Variants in IL19 observed in about 807,000 individuals in gnomAD.
The protein encoded by IL19 is interleukin 19.
Under a neutral mutation model 19.5 loss-of-function variants are expected in IL19, and 15 were observed. That is an observed-to-expected ratio of 0.77 (90% CI 0.52 to 1.19). The LOEUF (loss-of-function observed/expected upper bound fraction) is 1.19, where lower values mean the gene tolerates loss of function less well. IL19 is among the 50% of genes most tolerant of loss of function. The pLI is 0.00. For missense variants in IL19, 199 were observed against 213.1 expected (o/e 0.93, Z 0.41); for synonymous variants, 78 against 78.3 (o/e 1.00, Z 0.02).
At chr1:206,803,223 G>C (rs1410619396) in intron 2 of IL19, among the ~76,000 whole-genome samples, 3 of 152,178 alleles carry the variant, frequency 2.0e-5, no homozygotes, top group Non-Finnish European at 4.4e-5. Context: ...ACATCCATGG[G>C]CTTTCGCTGT....
intron 1 of IL19, among the ~76,000 whole-genome samples, chr1:206,780,093 C>T (rs891215858): frequency 1.3e-5 from 2 of 152,314 alleles, no homozygotes; most frequent in Non-Finnish European, 1.5e-5. Context: ...ATGTTCCTTC[C>T]TTAAATGAGT....
At chr1:206,840,957 C>T (rs374769203) in intron 5 of IL19, 47 bp from the exon 6 acceptor site, 4 of 1,485,282 alleles carry the variant, frequency 2.7e-6, no homozygotes. Context: ...AAGAGAGGGC[C>T]AGAGTGGAAA....
At chr1:206,796,641 G>A (rs1675529544) in intron 1 of IL19, among the ~76,000 whole-genome samples, 1 of 152,088 alleles carries the variant, frequency 6.6e-6, no homozygotes, top group Non-Finnish European at 1.5e-5. Flanking sequence ...TGTTACAATT[G>A]TCTGCAATAT....
At chr1:206,818,136 T>C (rs1337023206) in intron 2 of IL19, among the ~76,000 whole-genome samples, 1 of 152,236 alleles carries the variant, frequency 6.6e-6, no homozygotes, top group Non-Finnish European at 1.5e-5. Flanking sequence ...AGCAAGGATA[T>C]AGTAGACTTA....
chr1:206,839,728 G>A (rs546263562), intron 4 of IL19, 122 bp from the exon 5 acceptor site: 15 of 830,160 alleles, frequency 1.8e-5, no homozygotes, highest in East Asian at 4.9e-5. Flanking sequence ...AGACCATTAC[G>A]AATTTTTCCA....
chr1:206,794,155 T>C (rs376345727), intron 1 of IL19, among the ~76,000 whole-genome samples: 1 of 152,294 alleles, frequency 6.6e-6, no homozygotes, highest in East Asian at 1.9e-4. Flanking sequence ...AGTTTGGTCA[T>C]TGGGAGAGAC....
At chr1:206,798,388 T>C (rs1488420121) in intron 1 of IL19, among the ~76,000 whole-genome samples, 2 of 152,146 alleles carry the variant, frequency 1.3e-5, no homozygotes, top group African/African-American at 2.4e-5. Context: ...GGGGCTTCAA[T>C]TTGTATAGAA....
chr1:206,788,453 G>T (rs1304722192), intron 1 of IL19, among the ~76,000 whole-genome samples: 1 of 152,104 alleles, frequency 6.6e-6, no homozygotes, highest in Non-Finnish European at 1.5e-5. Flanking sequence ...TAAGGCTCAA[G>T]TCTCCTGATA....
intron 1 of IL19, among the ~76,000 whole-genome samples, chr1:206,792,233 T>C (rs1675424708): frequency 6.6e-6 from 1 of 152,188 alleles, no homozygotes; most frequent in Non-Finnish European, 1.5e-5. Context: ...TGAACATTGC[T>C]GAGTGTTCCT....
At chr1:206,773,607 T>C (rs1674918356) in intron 1 of IL19, among the ~76,000 whole-genome samples, 1 of 151,148 alleles carries the variant, frequency 6.6e-6, no homozygotes, top group South Asian at 2.1e-4. Flanking sequence ...TGTGTGTGTG[T>C]GTGTGTGTGT....
At chr1:206,799,662 C>CA (rs1439512242) in intron 2 of IL19, among the ~76,000 whole-genome samples, 1 of 152,180 alleles carries the variant, frequency 6.6e-6, no homozygotes, top group Admixed American at 6.5e-5. Context: ...GTCCCAAGAC[C>CA]AAATTACTGG....
chr1:206,791,419 C>A (rs1675400984), intron 1 of IL19, among the ~76,000 whole-genome samples: 1 of 151,958 alleles, frequency 6.6e-6, no homozygotes, highest in South Asian at 2.1e-4. Flanking sequence ...TCTTCTGCCT[C>A]AGCCTCCTGA....
intron 2 of IL19, among the ~76,000 whole-genome samples, chr1:206,827,877 G>C (rs988586273): frequency 1.3e-5 from 2 of 152,170 alleles, no homozygotes; most frequent in African/African-American, 4.8e-5. Context: ...GGGTGTCTTT[G>C]GGTGAAGTAC....
chr1:206,825,801 C>G (rs1676423333), intron 2 of IL19, among the ~76,000 whole-genome samples: 1 of 152,238 alleles, frequency 6.6e-6, no homozygotes. Context: ...GCACGATTGT[C>G]CCTGCCTTTG....
chr1:206,818,027 G>A (rs541597017), intron 2 of IL19, among the ~76,000 whole-genome samples: 40 of 152,220 alleles, frequency 2.6e-4, no homozygotes, highest in Non-Finnish European at 3.1e-4. Context: ...GCCTCCAAAA[G>A]TGCTGGGATT....
At chr1:206,804,995 A>C (rs4347211) in intron 2 of IL19, among the ~76,000 whole-genome samples, 1 of 151,972 alleles carries the variant, frequency 6.6e-6, no homozygotes, top group African/African-American at 2.4e-5. Flanking sequence ...TCCTCTGTGG[A>C]CACTGTTCTG....
intron 2 of IL19, among the ~76,000 whole-genome samples, chr1:206,801,370 T>C (rs1572555053): frequency 6.6e-6 from 1 of 151,832 alleles, no homozygotes; most frequent in African/African-American, 2.4e-5. Flanking sequence ...AGGCGGGGGG[T>C]GGAATGGAGG....
intron 1 of IL19, among the ~76,000 whole-genome samples, chr1:206,783,909 C>T (rs1380026535): frequency 6.6e-6 from 1 of 152,182 alleles, no homozygotes; most frequent in Non-Finnish European, 1.5e-5. Context: ...AGTGACTGTA[C>T]ACAATGCTTG....
rs114829871 is a variant in IL19, at chr1:206,790,542, C to T, written c.-148-8319C>T. ...AACGTTGAGTCTCAGTATGGTTCAT[C>T]GGCAGAATTTTCCCCAGAGCCAACG... On this transcript the variant is annotated intron_variant, in intron 1 of 6. Coordinates refer to ENST00000659997, the MANE Select transcript of IL19 (RefSeq NM_153758.5). Among the ~76,000 whole-genome samples the T allele has an allele frequency of 3.8e-3, 582 of 152,298 alleles. 3 individuals are homozygous for T. Among genetic ancestry groups the T allele is most frequent in the African/African-American group, 0.014 (569 of 41,546 alleles).
Sources: gnomAD v4.1 joint callset for allele counts (sites outside exome capture counted in the v4.1 genomes callset) on GRCh38, gnomAD v4.1.1 for gene constraint, MANE v1.5 for transcripts, NCBI Gene and HGNC (gene_info 2026-07-23, HGNC 2026-07-21) for gene names.